TBCK: variants seen among roughly 807,000 people sequenced by gnomAD.
TBCK encodes TBC domain-containing protein kinase-like protein.
In TBCK, 99 loss-of-function variants were observed where a neutral mutation model predicts 113.4. The observed-to-expected ratio is 0.87, with a 90% CI of 0.74 to 1.03. The LOEUF (loss-of-function observed/expected upper bound fraction) is 1.03, where lower values mean the gene tolerates loss of function less well. Ranked by LOEUF, TBCK falls within the 50% of genes least tolerant of loss-of-function variation. The probability of loss-of-function intolerance (pLI) is 0.00; values close to 1 mark genes in which losing one functional copy is unlikely to be tolerated. For missense variants in TBCK, 1,045 were observed against 1,061.3 expected (o/e 0.98, Z 0.21); for synonymous variants, 369 against 370.8 (o/e 1.00, Z 0.05).
intron 11 of TBCK, among the ~76,000 whole-genome samples, chr4:106,243,171 T>A (rs939899990): frequency 1.3e-5 from 2 of 152,122 alleles, no homozygotes; most frequent in Admixed American, 6.6e-5. Context: ...CAAGTCTCAT[T>A]TTCAAATATC....
intron 24 of TBCK, among the ~76,000 whole-genome samples, chr4:106,104,003 C>G (rs1741854536): frequency 1.3e-5 from 2 of 152,224 alleles, no homozygotes; most frequent in African/African-American, 4.8e-5. Context: ...GTCAGGAGAT[C>G]TCCTTGTGAA....
At chr4:106,070,487 A>G (rs1243720322) in intron 25 of TBCK, among the ~76,000 whole-genome samples, 1 of 152,042 alleles carries the variant, frequency 6.6e-6, no homozygotes, top group Non-Finnish European at 1.5e-5. Context: ...TGCAGGGATG[A>G]AGCCGACTTG....
intron 20 of TBCK, among the ~76,000 whole-genome samples, chr4:106,205,874 T>C (rs1439161006): frequency 1.3e-5 from 2 of 151,894 alleles, no homozygotes; most frequent in Non-Finnish European, 2.9e-5. Context: ...TTTCTTCATA[T>C]AGTTAAACAA....
intron 2 of TBCK, among the ~76,000 whole-genome samples, chr4:106,308,329 A>C (rs1198446629): frequency 1.3e-5 from 2 of 152,220 alleles, no homozygotes. Context: ...AAAGCTATAA[A>C]AGAACTTAGG....
intron 10 of TBCK, among the ~76,000 whole-genome samples, chr4:106,246,248 A>C (rs1177260434): frequency 2.6e-5 from 4 of 152,264 alleles, no homozygotes; most frequent in South Asian, 4.1e-4. Flanking sequence ...TTTGGCATGA[A>C]TGTTACTTAA....
At chr4:106,229,730 T>C (rs1216984509) in intron 19 of TBCK, among the ~76,000 whole-genome samples, 1 of 151,498 alleles carries the variant, frequency 6.6e-6, no homozygotes, top group Non-Finnish European at 1.5e-5. Context: ...TTCTGGGTCT[T>C]TTGTGGGTCC....
At chr4:106,259,480 T>C (rs1438864362) in intron 5 of TBCK, among the ~76,000 whole-genome samples, 1 of 151,908 alleles carries the variant, frequency 6.6e-6, no homozygotes, top group Non-Finnish European at 1.5e-5. Flanking sequence ...AAGTTTAGTT[T>C]CCTTGTTTTG....
intron 23 of TBCK, among the ~76,000 whole-genome samples, chr4:106,120,407 C>T (rs946012005): frequency 6.6e-6 from 1 of 152,150 alleles, no homozygotes; most frequent in Non-Finnish European, 1.5e-5. Context: ...CCACCATTGC[C>T]CAGGCTTGCT....
chr4:106,234,809 T>C (rs1190153463), intron 15 of TBCK, among the ~76,000 whole-genome samples: 1 of 152,070 alleles, frequency 6.6e-6, no homozygotes, highest in African/African-American at 2.4e-5. Flanking sequence ...GAAAGTGCTA[T>C]TTCTCTTGGT....
intron 25 of TBCK, among the ~76,000 whole-genome samples, chr4:106,049,558 A>G (rs1487414708): frequency 6.6e-6 from 1 of 152,062 alleles, no homozygotes; most frequent in East Asian, 1.9e-4. Flanking sequence ...ACAGTGTTAA[A>G]TAAGTCACAT....
chr4:106,095,215 T>C (rs557610696), intron 25 of TBCK, among the ~76,000 whole-genome samples: 1 of 152,282 alleles, frequency 6.6e-6, no homozygotes, highest in Non-Finnish European at 1.5e-5. Flanking sequence ...AAGCTACTTC[T>C]TTACAATTTC....
At chr4:106,177,930 T>A (rs182517333) in intron 22 of TBCK, among the ~76,000 whole-genome samples, 1 of 152,124 alleles carries the variant, frequency 6.6e-6, no homozygotes, top group Admixed American at 6.6e-5. Context: ...CATGAACATG[T>A]TAACATTATT....
chr4:106,221,160 T>C (rs905226571), intron 19 of TBCK, among the ~76,000 whole-genome samples: 2 of 152,182 alleles, frequency 1.3e-5, no homozygotes, highest in South Asian at 4.1e-4. Flanking sequence ...AATTTTTGTA[T>C]TTTTAGTAGA....
At chr4:106,189,448 C>T (rs1753415802) in intron 22 of TBCK, among the ~76,000 whole-genome samples, 1 of 151,872 alleles carries the variant, frequency 6.6e-6, no homozygotes, top group African/African-American at 2.4e-5. Context: ...GGTAAAGTGG[C>T]ATCAATCTTA....
At chr4:106,314,593 A>G (rs6849341) in intron 1 of TBCK, among the ~76,000 whole-genome samples, 23,145 of 150,320 alleles carry the variant, frequency 0.15, 1,888 homozygotes, top group South Asian at 0.25. Context: ...TTATTATTCA[A>G]TCCTACTACG....
At chr4:106,219,361 AAAGTAT>A in intron 19 of TBCK, among the ~76,000 whole-genome samples, 1 of 152,074 alleles carries the variant, frequency 6.6e-6, no homozygotes, top group South Asian at 2.1e-4. Flanking sequence ...CCTAAAACTT[AAAGTAT>A]AATAATAAAA....
intron 23 of TBCK, among the ~76,000 whole-genome samples, chr4:106,142,607 G>A (rs1420539479): frequency 6.6e-6 from 1 of 152,112 alleles, no homozygotes; most frequent in Non-Finnish European, 1.5e-5. Context: ...TGTGTCTGTT[G>A]TTGCTAGCCT....
At chr4:106,164,385 T>C (rs1434389496) in intron 23 of TBCK, 1 of 152,012 alleles carries the variant, frequency 6.6e-6, no homozygotes, top group African/African-American at 2.4e-5. Flanking sequence ...CTTTTCCTTA[T>C]ACTTACTGTA....
chr4:106,156,264 G>A (rs1436691275), intron 23 of TBCK, among the ~76,000 whole-genome samples: 1 of 152,122 alleles, frequency 6.6e-6, no homozygotes, highest in Non-Finnish European at 1.5e-5. Context: ...AGAGCTTGGG[G>A]TGGTGTGACA....
Sources: allele counts gnomAD v4.1 joint callset (sites outside exome capture counted in the v4.1 genomes callset), GRCh38; gene constraint gnomAD v4.1.1; transcripts MANE v1.5; gene names NCBI Gene and HGNC (gene_info 2026-07-23, HGNC 2026-07-21).